FNDC3B: variants seen among roughly 807,000 people sequenced by gnomAD.
FNDC3B encodes fibronectin type III domain-containing protein 3B.
A neutral mutation model predicts 151.5 loss-of-function variants in FNDC3B; 12 were observed. That is an observed-to-expected ratio of 0.08 (90% CI 0.05 to 0.13). FNDC3B has a LOEUF of 0.13. Among genes scored for constraint, FNDC3B ranks in the 10% least tolerant of loss-of-function variants. FNDC3B has a pLI of 1.00. For synonymous variants in FNDC3B, 528 were observed against 549.0 expected (o/e 0.96, Z 0.54); for missense variants, 1,214 against 1,505.3 (o/e 0.81, Z 3.20).
chr3:172,364,743 T>C (rs940614191), intron 23 of FNDC3B, among the ~76,000 whole-genome samples: 1 of 152,218 alleles, frequency 6.6e-6, no homozygotes, highest in African/African-American at 2.4e-5. Context: ...AATCTAGTAA[T>C]CAATACATGT....
chr3:172,365,431 A>G (rs1160466895), intron 23 of FNDC3B, among the ~76,000 whole-genome samples: 2 of 152,170 alleles, frequency 1.3e-5, no homozygotes, highest in African/African-American at 2.4e-5. Flanking sequence ...TTGTTATTTT[A>G]CTTTTCTTTC....
Position 172,135,899 on chromosome 3 carries a change from T to C in FNDC3B, c.187+2353T>C, listed in dbSNP as rs1375573556. 3.3e-5 allele frequency among the ~76,000 whole-genome samples: 5 copies of C among 152,302 alleles called. No homozygotes were observed. The East Asian group carries it at 5.8e-4, about 18-fold the overall frequency. The stretch of plus-strand genomic sequence containing the variant: ...CAACATAAAATGTGGCAATAGGCAG[T>C]GTATTTGTAAATTCCAACACAAGTT... On this transcript the variant is annotated intron_variant, in intron 3 of 25. Coordinates refer to ENST00000415807, the MANE Select transcript of FNDC3B (RefSeq NM_022763.4).
chr3:172,210,326 C>T (rs555781994), intron 3 of FNDC3B, among the ~76,000 whole-genome samples: 2 of 152,238 alleles, frequency 1.3e-5, no homozygotes, highest in Admixed American at 6.5e-5. Context: ...CTTAAGAGTT[C>T]TGCATTTTTC....
At chr3:172,292,103 A>G (rs1730371170) in intron 7 of FNDC3B, among the ~76,000 whole-genome samples, 1 of 152,162 alleles carries the variant, frequency 6.6e-6, no homozygotes, top group South Asian at 2.1e-4. Context: ...AGACTAAGTG[A>G]TCTTTTTCTC....
At chr3:172,296,896 G>C (rs1461333389) in intron 8 of FNDC3B, among the ~76,000 whole-genome samples, 2 of 152,156 alleles carry the variant, frequency 1.3e-5, no homozygotes, top group African/African-American at 4.8e-5. Context: ...CTCTGTGGGG[G>C]TGGGGTCCTG....
intron 23 of FNDC3B, among the ~76,000 whole-genome samples, chr3:172,375,501 G>T (rs535335882): frequency 6.6e-6 from 1 of 152,092 alleles, no homozygotes. Flanking sequence ...CCTCCTGAAG[G>T]CTCAGTATCT....
intron 3 of FNDC3B, among the ~76,000 whole-genome samples, chr3:172,164,467 G>A (rs1722914380): frequency 6.6e-6 from 1 of 151,946 alleles, no homozygotes; most frequent in South Asian, 2.1e-4. Flanking sequence ...TGTACATGTG[G>A]GCCAAAGTGC....
chr3:172,320,317 T>C (rs561712997), intron 11 of FNDC3B, among the ~76,000 whole-genome samples: 1 of 150,748 alleles, frequency 6.6e-6, no homozygotes, highest in South Asian at 2.1e-4. Flanking sequence ...GAGGCGGAGG[T>C]TGAGGTGAGC....
At chr3:172,299,088 A>G (rs1185234193) in intron 9 of FNDC3B, among the ~76,000 whole-genome samples, 2 of 152,332 alleles carry the variant, frequency 1.3e-5, no homozygotes, top group African/African-American at 2.4e-5. Flanking sequence ...CTGTAAAACA[A>G]ATGAAACTTT....
intron 1 of FNDC3B, among the ~76,000 whole-genome samples, chr3:172,077,145 A>T (rs1054596297): frequency 6.6e-5 from 10 of 152,090 alleles, no homozygotes; most frequent in African/African-American, 2.4e-4. Flanking sequence ...GATGGGAATA[A>T]ATTGGTTAAA....
At chr3:172,198,934 C>T (rs919605315) in intron 3 of FNDC3B, among the ~76,000 whole-genome samples, 1 of 151,704 alleles carries the variant, frequency 6.6e-6, no homozygotes, top group Non-Finnish European at 1.5e-5. Context: ...TAAAGTGATT[C>T]TCTTGCCTCA....
intron 13 of FNDC3B, among the ~76,000 whole-genome samples, chr3:172,332,042 C>T (rs908269648): frequency 4.6e-5 from 7 of 152,112 alleles, no homozygotes; most frequent in African/African-American, 1.7e-4. Flanking sequence ...GCAATCTTGG[C>T]CCTCTGCAAC....
chr3:172,087,338 C>T (rs553646262), intron 1 of FNDC3B, among the ~76,000 whole-genome samples: 5 of 151,926 alleles, frequency 3.3e-5, no homozygotes, highest in South Asian at 4.2e-4. Context: ...CTCTGTGAGC[C>T]GTACTACTTG....
chr3:172,089,008 A>G lies in FNDC3B; in HGVS notation c.-28-23444A>G, dbSNP rs1718684183. Among the ~76,000 whole-genome samples the G allele has an allele frequency of 2.6e-5, 4 of 152,304 alleles. No homozygotes were observed. In the South Asian group the frequency reaches 6.2e-4, roughly 24 times the overall value. ...GTGATAAATTAGCTTTCTACGGGAC[A>G]AAAAAGGCATTGACAAGAGCACTGA... On this transcript the variant is annotated intron_variant, in intron 1 of 25. Transcript: ENST00000415807.
At position 172,330,670 on chromosome 3, in the gene FNDC3B, C is replaced by A; in HGVS notation, c.1509C>A (p.Pro503=). ...GGAGTAAGCCAGAAGGCTGTTCACC[C>A]GAGGAAGTGATCACCTACACCTTGG... is the stretch of plus-strand genomic sequence containing the variant. ...LQWSKPEGCS[P]EEVITYTLEI... The change falls in exon 13 of 26, where the codon CCC becomes CCA. Residue 503 remains proline (P), a synonymous_variant. Coordinates refer to ENST00000415807, the MANE Select transcript of FNDC3B (RefSeq NM_022763.4). 6.2e-7 allele frequency: 1 copy of A among 1,613,964 alleles called. No individual in the cohort carries two copies. Among genetic ancestry groups the A allele is most frequent in the Non-Finnish European group, 8.5e-7 (1 of 1,179,922 alleles).
At chr3:172,242,541 C>A (rs1273366923) in intron 4 of FNDC3B, among the ~76,000 whole-genome samples, 1 of 152,196 alleles carries the variant, frequency 6.6e-6, no homozygotes, top group Non-Finnish European at 1.5e-5. Flanking sequence ...GGGACTTGCA[C>A]CCTTTGAAGC....
chr3:172,041,741 C>T (rs1487052908), intron 1 of FNDC3B, among the ~76,000 whole-genome samples: 9 of 152,178 alleles, frequency 5.9e-5, no homozygotes, highest in African/African-American at 2.2e-4. Flanking sequence ...GGCAACGCCC[C>T]ACAGTGGATA....
intron 9 of FNDC3B, among the ~76,000 whole-genome samples, chr3:172,303,374 G>T (rs1250189572): frequency 6.6e-6 from 1 of 152,098 alleles, no homozygotes; most frequent in Admixed American, 6.5e-5. Context: ...GAAAAATTGT[G>T]CAATGAAACA....
chr3:172,198,964 C>T (rs1724989530), intron 3 of FNDC3B, among the ~76,000 whole-genome samples: 1 of 151,756 alleles, frequency 6.6e-6, no homozygotes, highest in African/African-American at 2.4e-5. Context: ...GTAGCTGGAA[C>T]TACAGGTGTG....
Sources: gnomAD v4.1 joint callset for allele counts (sites outside exome capture counted in the v4.1 genomes callset) on GRCh38, gnomAD v4.1.1 for gene constraint, MANE v1.5 for transcripts, NCBI Gene and HGNC (gene_info 2026-07-23, HGNC 2026-07-21) for gene names.